The following UBIAD1 variants were observed in gnomAD, a reference collection of about 807,000 sequenced individuals.
UBIAD1 encodes ubiA prenyltransferase domain-containing protein 1.
Under a neutral mutation model 20.1 loss-of-function variants are expected in UBIAD1, and 12 were observed. The ratio of observed to expected loss-of-function variants is 0.60; its 90% CI spans 0.38 to 0.97. The LOEUF (loss-of-function observed/expected upper bound fraction) is 0.97. UBIAD1 is among the 50% of genes least tolerant of loss of function. The probability of loss-of-function intolerance (pLI) is 0.00; values close to 1 mark genes in which losing one functional copy is unlikely to be tolerated. For synonymous variants in UBIAD1, 207 were observed against 189.2 expected (o/e 1.09, Z -0.77); for missense variants, 333 against 419.5 (o/e 0.79, Z 1.80).
At chr1:11,279,524 A>G (rs1466763917) in intron 1 of UBIAD1, among the ~76,000 whole-genome samples, 1 of 152,068 alleles carries the variant, frequency 6.6e-6, no homozygotes, top group Non-Finnish European at 1.5e-5. Context: ...CCCGGGTTCA[A>G]GTGATTCTCA....
At position 11,273,320 on chromosome 1, in the gene UBIAD1, A is replaced by G. The variant is rs1569884568; in HGVS notation, c.-212A>G. The G allele has an allele frequency of 1.7e-6, 1 of 603,944 alleles. No homozygotes were observed. Among genetic ancestry groups the G allele is most frequent in the East Asian group, 2.8e-5 (1 of 35,296 alleles). 37.4% of individuals were successfully genotyped at this position (603,944 alleles called of 1,614,324 possible). On this transcript the variant is annotated 5_prime_UTR_variant, in exon 1 of 2. Transcript: ENST00000376810. The surrounding 1 kb of genome is among the most constrained non-coding windows in gnomAD (Gnocchi z 4.9). Reference sequence around the variant, plus strand: ...TGGGGGCCGGAGACAGACTTCGCCCAGGTGACGGGTAGTAGGGGCGGCGCC... The same window carrying G: ...TGGGGGCCGGAGACAGACTTCGCCCGGGTGACGGGTAGTAGGGGCGGCGCC...
rs1651851426 is a variant in UBIAD1, at chr1:11,273,439, G to A, written c.-93G>A. 6.6e-7 allele frequency: 1 copy of A among 1,517,952 alleles called. No individual in the cohort carries two copies. The highest frequency in any genetic ancestry group is 1.7e-5 in the Admixed American group (1 of 58,714). The allele number at this position is 1,517,952 out of a possible 1,614,324, so 94.0% of individuals were successfully genotyped here. On this transcript the variant is annotated 5_prime_UTR_variant, in exon 1 of 2. Coordinates refer to ENST00000376810, the MANE Select transcript of UBIAD1 (RefSeq NM_013319.3). The surrounding 1 kb of genome is among the most constrained non-coding windows in gnomAD (Gnocchi z 4.9). ...CCTGGGGCGGAACCGAAGGAAGGTC[G>A]GGCCCTGCTGCCCCGCCCCGTCCTT...
chr1:11,281,173 C>G (rs1227348279), intron 1 of UBIAD1, among the ~76,000 whole-genome samples: 1 of 152,154 alleles, frequency 6.6e-6, no homozygotes, highest in Non-Finnish European at 1.5e-5. Flanking sequence ...TTCACTTTCT[C>G]ACTTCCTTCA....
intron 1 of UBIAD1, among the ~76,000 whole-genome samples, chr1:11,294,466 ATC>A (rs1362624535): frequency 6.6e-6 from 1 of 152,108 alleles, no homozygotes; most frequent in Non-Finnish European, 1.5e-5. Flanking sequence ...ACTGCCCCTC[ATC>A]TCTCTTGCCC....
rs1173929028 is a variant in UBIAD1 at position 11,286,265 on chromosome 1, T to A, written c.*134T>A. 8.3e-7 allele frequency: 1 copy of A among 1,199,302 alleles called. No homozygotes were observed. Among genetic ancestry groups the A allele is most frequent in the African/African-American group, 1.5e-5 (1 of 65,066 alleles). The allele number at this position is 1,199,302 out of a possible 1,614,324, so 74.3% of individuals were successfully genotyped here. On this transcript the variant is annotated 3_prime_UTR_variant, in exon 2 of 2. Transcript: ENST00000376810. ...GGGAACTCCTGCCTTATAAAAATTG[T>A]TTTTGTGTTCTTAAAGATAATATGT... is the stretch of plus-strand genomic sequence containing the variant.
intron 1 of UBIAD1, chr1:11,294,767 G>A (rs1380150277): frequency 2.8e-6 from 2 of 716,022 alleles, no homozygotes; most frequent in African/African-American, 3.5e-5. Context: ...ATAATGGAGA[G>A]TGGCTCCTGC....
intron 1 of UBIAD1, among the ~76,000 whole-genome samples, chr1:11,278,104 C>T (rs951779028): frequency 2.0e-5 from 3 of 152,042 alleles, no homozygotes; most frequent in South Asian, 2.1e-4. Context: ...ACTACAGGCG[C>T]GTGCTACCAC....
downstream of UBIAD1, among the ~76,000 whole-genome samples, chr1:11,296,526 C>A (rs1048749021): frequency 2.0e-5 from 3 of 152,012 alleles, no homozygotes; most frequent in Admixed American, 6.6e-5. Flanking sequence ...CCCTGTCCCC[C>A]CCTTTGTTTT....
downstream of UBIAD1, among the ~76,000 whole-genome samples, chr1:11,298,601 TAAATA>T (rs1250076060): frequency 1.3e-5 from 2 of 151,524 alleles, no homozygotes; most frequent in African/African-American, 4.9e-5. The surrounding 1 kb of genome is among the most constrained non-coding windows in gnomAD (Gnocchi z 4.0). Context: ...AATAAATAAA[TAAATA>T]AAAGTTTCCC....
At position 11,278,361 on chromosome 1, in the gene UBIAD1, C is replaced by T. The variant is rs115838981; in HGVS notation, c.529+4301C>T. ...CATCTTGTAAACCTGAATTATATTT[C>T]GAGTACTCCAAGTTTATGTTTAAAT... On this transcript the variant is annotated intron_variant, in intron 1 of 1. Transcript: ENST00000376810. Among the ~76,000 whole-genome samples the T allele has an allele frequency of 8.1e-3, 1,233 of 152,222 alleles. 21 individuals are homozygous for T. Among genetic ancestry groups the T allele is most frequent in the African/African-American group, 0.027 (1,107 of 41,528 alleles).
chr1:11,284,212 C>T (rs561505400), intron 1 of UBIAD1, among the ~76,000 whole-genome samples: 24 of 152,016 alleles, frequency 1.6e-4, no homozygotes, highest in Non-Finnish European at 2.8e-4. Flanking sequence ...AGGAGGTGGT[C>T]CTGGGGAATG....
At chr1:11,283,072 G>A (rs1652297734) in intron 1 of UBIAD1, among the ~76,000 whole-genome samples, 1 of 151,924 alleles carries the variant, frequency 6.6e-6, no homozygotes, top group South Asian at 2.1e-4. Flanking sequence ...ATGTTGGTCA[G>A]GCTGGTCTCG....
chr1:11,273,600 C>G lies in UBIAD1; in HGVS notation c.69C>G (p.Asp23Glu). The change falls in exon 1 of 2, where the codon GAC becomes GAG. Residue 23 changes from aspartate to glutamate, a missense_variant. Asp to Glu is a conservative substitution (Grantham distance 45). Around this residue, in one of 3 missense-constraint regions of UBIAD1, gnomAD observed 57 missense variants for 54.7 expected, o/e 1.04. Coordinates refer to ENST00000376810, the MANE Select transcript of UBIAD1 (RefSeq NM_013319.3). The surrounding 1 kb of genome is among the most constrained non-coding windows in gnomAD (Gnocchi z 4.9). Reference sequence around the variant, plus strand: ...CGGGAGAGACTGTCAAAGCTGGGGACAGGGACCCGCTGGGGAACGACTGTC... The same window carrying G: ...CGGGAGAGACTGTCAAAGCTGGGGAGAGGGACCCGCTGGGGAACGACTGTC... ...ILSGETVKAG[D>E]RDPLGNDCPE... is the part of the protein sequence containing the mutation. The G allele has an allele frequency of 6.2e-7, 1 of 1,613,916 alleles. No individual in the cohort carries two copies.
intron 1 of UBIAD1, among the ~76,000 whole-genome samples, chr1:11,276,642 CA>C (rs1423422122): frequency 3.8e-5 from 5 of 132,398 alleles, no homozygotes; most frequent in African/African-American, 1.4e-4. Context: ...CCAGCCTGGG[CA>C]ACAGAGAGAG....
At chr1:11,284,926 G>A (rs976297099) in intron 1 of UBIAD1, among the ~76,000 whole-genome samples, 1 of 152,176 alleles carries the variant, frequency 6.6e-6, no homozygotes, top group African/African-American at 2.4e-5. Flanking sequence ...TGGTAAGGGG[G>A]ATGGAGGGTG....
intron 1 of UBIAD1, 70 bp downstream of exon 1, chr1:11,274,130 G>A (rs1352228860): frequency 1.3e-6 from 2 of 1,579,430 alleles, no homozygotes; most frequent in African/African-American, 1.3e-5. Flanking sequence ...CTTTGTAAAG[G>A]AGTTATAGGG....
At chr1:11,277,342 T>G (rs2101016264) in intron 1 of UBIAD1, among the ~76,000 whole-genome samples, 1 of 150,810 alleles carries the variant, frequency 6.6e-6, no homozygotes, top group Admixed American at 6.6e-5. Context: ...TCGCCTAGGC[T>G]GGGGTACAGT....
At chr1:11,276,136 A>G (rs1214447275) in intron 1 of UBIAD1, among the ~76,000 whole-genome samples, 1 of 152,166 alleles carries the variant, frequency 6.6e-6, no homozygotes, top group African/African-American at 2.4e-5. Flanking sequence ...GGGCAAGGGT[A>G]GAGGCAGGAA....
intron 1 of UBIAD1, among the ~76,000 whole-genome samples, chr1:11,274,641 G>A (rs571006720): frequency 2.0e-5 from 3 of 150,654 alleles, no homozygotes; most frequent in East Asian, 2.0e-4. Context: ...ACAGAGTCTC[G>A]CTCTGTTGCC....
Sources: allele counts gnomAD v4.1 joint callset (sites outside exome capture counted in the v4.1 genomes callset), GRCh38; gene constraint gnomAD v4.1.1; regional missense constraint gnomAD v4.1.1; non-coding constraint Gnocchi (gnomAD v3.1); transcripts MANE v1.5; gene names NCBI Gene and HGNC (gene_info 2026-07-23, HGNC 2026-07-21).